ZNF609: variants seen among roughly 807,000 people sequenced by gnomAD.
The protein encoded by ZNF609 is zinc finger protein 609.
In ZNF609, 11 loss-of-function variants were observed where a neutral mutation model predicts 109.5. The ratio of observed to expected loss-of-function variants is 0.10; its 90% CI spans 0.06 to 0.17. The LOEUF (loss-of-function observed/expected upper bound fraction) is 0.17. ZNF609 is among the 10% of genes least tolerant of loss of function. The probability of loss-of-function intolerance (pLI) is 1.00; values close to 1 mark genes in which losing one functional copy is unlikely to be tolerated. For synonymous variants in ZNF609, 646 were observed against 662.0 expected (o/e 0.98, Z 0.37); for missense variants, 1,559 against 1,772.4 (o/e 0.88, Z 2.16).
intron 1 of ZNF609, among the ~76,000 whole-genome samples, chr15:64,484,420 G>C (rs1893301576): frequency 6.6e-6 from 1 of 152,212 alleles, no homozygotes; most frequent in Non-Finnish European, 1.5e-5. Context: ...GCTCACGCCT[G>C]TAATCCCAGC....
At chr15:64,591,125 A>G (rs946264785) in intron 2 of ZNF609, among the ~76,000 whole-genome samples, 5 of 151,826 alleles carry the variant, frequency 3.3e-5, no homozygotes, top group East Asian at 2.0e-4. Flanking sequence ...GCTTGAGCCC[A>G]GGAGTTCAAG....
chr15:64,598,740 GTGTATATATATATATA>G (rs1221553377), intron 2 of ZNF609, among the ~76,000 whole-genome samples: 13 of 84,714 alleles, frequency 1.5e-4, no homozygotes, highest in African/African-American at 5.9e-4. Flanking sequence ...ATCTTTGTGT[GTGTATATATATATATA>G]TATATATATA....
intron 1 of ZNF609, among the ~76,000 whole-genome samples, chr15:64,476,174 C>T (rs1196435496): frequency 6.6e-6 from 1 of 151,998 alleles, no homozygotes; most frequent in Non-Finnish European, 1.5e-5. Flanking sequence ...ATTGTTGGGC[C>T]ATCTGGGTGT....
chr15:64,656,785 TC>T (rs1458895858), intron 3 of ZNF609, among the ~76,000 whole-genome samples: 3 of 148,664 alleles, frequency 2.0e-5, no homozygotes, highest in Non-Finnish European at 4.5e-5. Flanking sequence ...CTCCCCTCTC[TC>T]CCTTCCTCCC....
intron 1 of ZNF609, among the ~76,000 whole-genome samples, chr15:64,479,284 ATT>A (rs34496032): frequency 2.3e-5 from 2 of 86,528 alleles, no homozygotes; most frequent in South Asian, 4.3e-4. Context: ...TACCTGTGTG[ATT>A]TTTTTTTTTT....
At chr15:64,588,877 C>T (rs142887897) in intron 2 of ZNF609, among the ~76,000 whole-genome samples, 41 of 152,160 alleles carry the variant, frequency 2.7e-4, no homozygotes, top group African/African-American at 9.4e-4. Flanking sequence ...ACCTCGGGTT[C>T]GGGTTATCCA....
At chr15:64,509,147 AT>A (rs1266484400) in intron 2 of ZNF609, among the ~76,000 whole-genome samples, 1 of 152,098 alleles carries the variant, frequency 6.6e-6, no homozygotes, top group Non-Finnish European at 1.5e-5. Context: ...AGTAGGTATG[AT>A]TTTTTTCTTT....
intron 3 of ZNF609, chr15:64,643,822 G>T (rs1283368963): frequency 6.6e-6 from 1 of 152,218 alleles, no homozygotes; most frequent in African/African-American, 2.4e-5. Context: ...TAGGCCAGGT[G>T]TGGTGGCTCA....
chr15:64,645,524 A>C (rs1281841051), intron 3 of ZNF609, among the ~76,000 whole-genome samples: 2 of 152,180 alleles, frequency 1.3e-5, no homozygotes, highest in East Asian at 3.8e-4. Context: ...AAGCCAGCAA[A>C]AGAAAAATTA....
chr15:64,615,572 T>C (rs1895786937), intron 2 of ZNF609, among the ~76,000 whole-genome samples: 2 of 151,338 alleles, frequency 1.3e-5, no homozygotes, highest in Admixed American at 6.6e-5. Context: ...CTACAACTTC[T>C]GCCTCCTGGG....
intron 1 of ZNF609, among the ~76,000 whole-genome samples, chr15:64,477,786 G>A (rs950872279): frequency 6.6e-6 from 1 of 152,090 alleles, no homozygotes; most frequent in Middle Eastern, 3.2e-3. Flanking sequence ...GCGCCACCGC[G>A]CCCAGCTAAT....
chr15:64,486,858 C>T (rs1323777775), intron 1 of ZNF609, among the ~76,000 whole-genome samples: 2 of 152,134 alleles, frequency 1.3e-5, no homozygotes, highest in Non-Finnish European at 2.9e-5. Context: ...GCCTTGGCCT[C>T]CCAAGTGCTG....
At chr15:64,510,429 T>C (rs1893707453) in intron 2 of ZNF609, among the ~76,000 whole-genome samples, 1 of 151,928 alleles carries the variant, frequency 6.6e-6, no homozygotes, top group African/African-American at 2.4e-5. Context: ...GGTCTGAAAC[T>C]CCTGGGCTCA....
At chr15:64,641,976 C>T (rs963767905) in intron 3 of ZNF609, among the ~76,000 whole-genome samples, 2 of 151,738 alleles carry the variant, frequency 1.3e-5, no homozygotes, top group Admixed American at 6.5e-5. Context: ...TTGACCCTTC[C>T]TTACAGTCAG....
intron 2 of ZNF609, among the ~76,000 whole-genome samples, chr15:64,596,690 A>G (rs1196220209): frequency 6.6e-6 from 1 of 152,188 alleles, no homozygotes; most frequent in Non-Finnish European, 1.5e-5. Flanking sequence ...GTATTTACTT[A>G]CCAGTCCCTT....
chr15:64,615,177 G>T (rs1168907237), intron 2 of ZNF609, among the ~76,000 whole-genome samples: 1 of 151,950 alleles, frequency 6.6e-6, no homozygotes, highest in African/African-American at 2.4e-5. Flanking sequence ...CCAGGCTAGA[G>T]TGCAGTGGTA....
At chr15:64,461,111 G>T (rs1361135377) in intron 1 of ZNF609, among the ~76,000 whole-genome samples, 1 of 150,350 alleles carries the variant, frequency 6.7e-6, no homozygotes, top group Non-Finnish European at 1.5e-5. Flanking sequence ...CCCGGGAGGG[G>T]ATTAGGGTCT....
chr15:64,569,207 T>A (rs1894824142), intron 2 of ZNF609, among the ~76,000 whole-genome samples: 1 of 152,218 alleles, frequency 6.6e-6, no homozygotes, highest in Non-Finnish European at 1.5e-5. Context: ...CCATATCATA[T>A]CATGGTGTTT....
At chr15:64,535,555 G>A (rs1400062370) in intron 2 of ZNF609, among the ~76,000 whole-genome samples, 2 of 151,988 alleles carry the variant, frequency 1.3e-5, no homozygotes, top group Non-Finnish European at 2.9e-5. Context: ...TCTAGTTTGG[G>A]ACTATTATGA....
Sources: gnomAD v4.1 joint callset for allele counts (sites outside exome capture counted in the v4.1 genomes callset) on GRCh38, gnomAD v4.1.1 for gene constraint, MANE v1.5 for transcripts, NCBI Gene and HGNC (gene_info 2026-07-23, HGNC 2026-07-21) for gene names.